The following SLC6A3 variants were observed in gnomAD, a reference collection of about 807,000 sequenced individuals.
The protein encoded by SLC6A3 is solute carrier family 6 member 3, also known as sodium-dependent dopamine transporter.
In SLC6A3, 19 loss-of-function variants were observed where a neutral mutation model predicts 70.4. The observed-to-expected ratio is 0.27, with a 90% CI of 0.19 to 0.40. The LOEUF is 0.40. SLC6A3 is among the 10% of genes least tolerant of loss of function. The pLI, the probability that SLC6A3 is intolerant of heterozygous loss-of-function variation, is 1.00. For synonymous variants in SLC6A3, 368 were observed against 356.6 expected, an observed-to-expected ratio of 1.03 and a Z score of -0.36; for missense variants, 613 against 838.5, an observed-to-expected ratio of 0.73 and a Z score of 3.32.
At position 1,443,189 on chromosome 5, in the gene SLC6A3, C is replaced by G. The variant is rs151324570; in HGVS notation, c.9G>C (p.Lys3Asn). Reference protein sequence around the residue: MSKSKCSVGLMSS... With the variant: MSNSKCSVGLMSS... ...ACATGAGTCCCACGGAGCATTTGCT[C>G]TTACTCATGGGCACACTGGGAGTTG... is the stretch of plus-strand genomic sequence containing the variant. Residue 3 changes from lysine to asparagine, a missense_variant, in exon 2 of 15, where the codon AAG becomes AAC. Physicochemically the swap from Lys to Asn is moderately conservative, Grantham distance 94 (BLOSUM62 0). Around this residue, in one of 4 missense-constraint regions of SLC6A3, gnomAD observed 111 missense variants for 91.6 expected, o/e 1.21. Transcript: ENST00000270349. The G allele has an allele frequency of 7.4e-6, 12 of 1,614,128 alleles. No individual in the cohort carries two copies. Among genetic ancestry groups the G allele is most frequent in the Admixed American group, 5.0e-5 (3 of 60,014 alleles).
chr5:1,412,234 A>C (rs1262751941), intron 8 of SLC6A3, among the ~76,000 whole-genome samples: 2 of 152,226 alleles, frequency 1.3e-5, no homozygotes, highest in Non-Finnish European at 2.9e-5. Context: ...CTGCGAGTGA[A>C]GCTTGGTAGA....
rs543749259 is a variant in SLC6A3 at position 1,426,026 on chromosome 5, G to C, written c.654-4012C>G. ...AACAAACAAGCAGAAAGTAAGTGTT[G>C]TCAAGGATGTGGGGAAATCAGAACC... On this transcript the variant is annotated intron_variant, in intron 4 of 14. Coordinates refer to ENST00000270349, the MANE Select transcript of SLC6A3 (RefSeq NM_001044.5). 2.6e-5 allele frequency among the ~76,000 whole-genome samples: 4 copies of C among 152,270 alleles called. No individual in the cohort carries two copies. In the South Asian group the frequency reaches 8.3e-4, roughly 32 times the overall value.
rs1755611114 is a variant in SLC6A3 at position 1,392,985 on chromosome 5, C to T, written c.*1750G>A. 1 of 151,900 alleles carries T rather than the reference C, an allele frequency of 6.6e-6. No homozygotes were observed. The highest frequency in any genetic ancestry group is 6.6e-5 in the Admixed American group (1 of 15,264). The allele number at this position is 151,900 out of a possible 1,614,324, so 9.4% of individuals were successfully genotyped here. On this transcript the variant is annotated 3_prime_UTR_variant, in exon 15 of 15. Transcript: ENST00000270349. The stretch of plus-strand genomic sequence containing the variant: ...GGAAGCTGTCCTCTGTGTCCCTCCC[C>T]AGAAGGCAATGGGGAAGCCGCTCTC...
Position 1,408,387 on chromosome 5 carries a change from TG to T in SLC6A3, c.1498+638del, listed in dbSNP as rs959282416. Among the ~76,000 whole-genome samples the T allele has an allele frequency of 6.6e-6, 1 of 151,568 alleles. No individual in the cohort carries two copies. Among genetic ancestry groups the T allele is most frequent in the Non-Finnish European group, 1.5e-5 (1 of 67,866 alleles). On this transcript the variant is annotated intron_variant, in intron 11 of 14. Coordinates refer to ENST00000270349, the MANE Select transcript of SLC6A3 (RefSeq NM_001044.5). This position sits in a 1 kb window ranked among gnomAD's most constrained non-coding sequence, Gnocchi z 6.4. ...CCCTGGCTCGGCCTCGCCACTTCCCTGGAAGTGAGCTGGCCAGGTAAGCGGA... is the reference window on the plus strand; with the variant it reads ...CCCTGGCTCGGCCTCGCCACTTCCCTGAAGTGAGCTGGCCAGGTAAGCGGA...
intron 3 of SLC6A3, among the ~76,000 whole-genome samples, chr5:1,434,273 G>T (rs1270229066): frequency 6.6e-6 from 1 of 152,202 alleles, no homozygotes; most frequent in Non-Finnish European, 1.5e-5. Context: ...CCAGAGCCTT[G>T]CATGACTATG....
rs564219448 is a variant in SLC6A3, at chr5:1,442,778, C to A, written c.286+134G>T. ...ATCCTCTGGGAGGATCTGCACCGGCCGTGAGCTCTCACAGGGAGCTCCGTC... is the reference window on the plus strand; with the variant it reads ...ATCCTCTGGGAGGATCTGCACCGGCAGTGAGCTCTCACAGGGAGCTCCGTC... On this transcript the variant is annotated intron_variant, in intron 2 of 14. Transcript: ENST00000270349. This position sits in a 1 kb window ranked among gnomAD's most constrained non-coding sequence, Gnocchi z 5.0. 4 of 888,946 alleles carry A rather than the reference C, an allele frequency of 4.5e-6. No individual in the cohort carries two copies. The highest frequency in any genetic ancestry group is 1.4e-5 in the South Asian group (1 of 72,852). The allele number at this position is 888,946 out of a possible 1,614,324, so 55.1% of individuals were successfully genotyped here.
chr5:1,432,310 G>A (rs1455779950), intron 4 of SLC6A3, among the ~76,000 whole-genome samples, 154 bp downstream of exon 4: 1 of 152,182 alleles, frequency 6.6e-6, no homozygotes, highest in Non-Finnish European at 1.5e-5. Flanking sequence ...TCAGAAATGT[G>A]CCCCTCCAGA....
chr5:1,437,170 G>A lies in SLC6A3; in HGVS notation c.418+4189C>T, dbSNP rs1200641799. On this transcript the variant is annotated intron_variant, in intron 3 of 14. Coordinates refer to ENST00000270349, the MANE Select transcript of SLC6A3 (RefSeq NM_001044.5). This position sits in a 1 kb window ranked among gnomAD's most constrained non-coding sequence, Gnocchi z 4.8. ...GGAGGCTGGGGCAGGAGAATCGCTT[G>A]AACCCGGGACGCGCAGGTGACAGTG... 6.6e-6 allele frequency among the ~76,000 whole-genome samples: 1 copy of A among 151,680 alleles called. No homozygotes were observed. Among genetic ancestry groups the A allele is most frequent in the Non-Finnish European group, 1.5e-5 (1 of 67,952 alleles).
At chr5:1,416,819 G>A (rs1437144010) in intron 6 of SLC6A3, among the ~76,000 whole-genome samples, 3 of 146,844 alleles carry the variant, frequency 2.0e-5, no homozygotes, top group Middle Eastern at 7.6e-3. Context: ...TGACCGCAGC[G>A]TCCTAATAGC....
At chr5:1,439,410 T>C (rs1756920380) in intron 3 of SLC6A3, among the ~76,000 whole-genome samples, 3 of 152,096 alleles carry the variant, frequency 2.0e-5, no homozygotes, top group Admixed American at 1.3e-4. Flanking sequence ...CAGGAAGAAA[T>C]TACTGAAGTC....
At chr5:1,424,676 G>A (rs1489095476) in intron 4 of SLC6A3, among the ~76,000 whole-genome samples, 2 of 152,354 alleles carry the variant, frequency 1.3e-5, no homozygotes, top group African/African-American at 2.4e-5. Context: ...GGGAAAGTGC[G>A]CTGCCCCACT....
rs1756108996 is a variant in SLC6A3 at position 1,411,033 on chromosome 5, G to A, written c.1269+210C>T. Reference sequence around the variant, plus strand: ...GCACACAGGTACCCCAGAGTAGGGGGATAAAGGGAAAGGTAAACTCCAGTC... The same window carrying A: ...GCACACAGGTACCCCAGAGTAGGGGAATAAAGGGAAAGGTAAACTCCAGTC... On this transcript the variant is annotated intron_variant, in intron 9 of 14. Transcript: ENST00000270349. This position sits in a 1 kb window ranked among gnomAD's most constrained non-coding sequence, Gnocchi z 6.5. 6.6e-6 allele frequency among the ~76,000 whole-genome samples: 1 copy of A among 152,144 alleles called. No homozygotes were observed. Among genetic ancestry groups the A allele is most frequent in the Non-Finnish European group, 1.5e-5 (1 of 68,008 alleles).
In SLC6A3 at chr5:1,400,883, C is replaced by T. The variant is rs199812890; in HGVS notation, c.1839+32G>A. The T allele has an allele frequency of 9.9e-6, 15 of 1,518,216 alleles. 1 individual carries two copies. Among genetic ancestry groups the T allele is most frequent in the East Asian group, 9.6e-5 (4 of 41,488 alleles). 94.0% of individuals were successfully genotyped at this position (1,518,216 alleles called of 1,614,324 possible). A position where few individuals can be genotyped will look rare whatever the true frequency, so the allele number is the denominator to read the frequency against. On this transcript the variant is annotated intron_variant, in intron 14 of 14. Transcript: ENST00000270349. ...AGCTTGGGATCATTCTGAATTCCCCCGAGAGAGGCCCAGCAGGGACCTCGA... is the reference window on the plus strand; with the variant it reads ...AGCTTGGGATCATTCTGAATTCCCCTGAGAGAGGCCCAGCAGGGACCTCGA...
intron 4 of SLC6A3, among the ~76,000 whole-genome samples, chr5:1,430,441 T>A (rs2126389565): frequency 6.6e-6 from 1 of 152,278 alleles, no homozygotes; most frequent in South Asian, 2.1e-4. Context: ...CGAGGAGGAA[T>A]TCTAGAACCA....
intron 9 of SLC6A3, 126 bp from the exon 10 acceptor site, chr5:1,409,975 C>T (rs1027663560): frequency 2.0e-5 from 25 of 1,219,584 alleles, no homozygotes; most frequent in Admixed American, 3.5e-5. Context: ...GCCACATGGC[C>T]GTCCAGGGTG....
Position 1,402,433 on chromosome 5 carries a change from C to T in SLC6A3, c.1767+489G>A, listed in dbSNP as rs28363137. Among the ~76,000 whole-genome samples the T allele has an allele frequency of 4.8e-3, 727 of 152,122 alleles. 9 individuals carry two copies. Among genetic ancestry groups the T allele is most frequent in the Middle Eastern group, 0.017 (5 of 294 alleles). ...GCCCCTGTTCAGCCAAAGTTGGGCT[C>T]GGCCCTGGGGGGACCTAGATCACCC... is the stretch of plus-strand genomic sequence containing the variant. On this transcript the variant is annotated intron_variant, in intron 13 of 14. Transcript: ENST00000270349. The surrounding 1 kb of genome is among the most constrained non-coding windows in gnomAD (Gnocchi z 8.5).
At chr5:1,407,820 T>A (rs760639951) in intron 11 of SLC6A3, among the ~76,000 whole-genome samples, 1 of 152,216 alleles carries the variant, frequency 6.6e-6, no homozygotes, top group Non-Finnish European at 1.5e-5. Context: ...CTGAAAACAA[T>A]GTTCTCAGAA....
intron 1 of SLC6A3, among the ~76,000 whole-genome samples, chr5:1,444,143 C>A (rs947825707): frequency 5.9e-5 from 9 of 152,158 alleles, no homozygotes; most frequent in African/African-American, 2.2e-4. Context: ...GTGGCACCAC[C>A]CCGCGTGAGA....
At chr5:1,409,977 T>C in intron 9 of SLC6A3, 128 bp from the exon 10 acceptor site, 4 of 1,210,290 alleles carry the variant, frequency 3.3e-6, no homozygotes, top group Non-Finnish European at 4.8e-6. Flanking sequence ...CACATGGCCG[T>C]CCAGGGTGCA....
Sources: gnomAD v4.1 joint callset for allele counts (sites outside exome capture counted in the v4.1 genomes callset) on GRCh38, gnomAD v4.1.1 for gene constraint, gnomAD v4.1.1 regional missense constraint, Gnocchi (gnomAD v3.1) non-coding constraint, MANE v1.5 for transcripts, NCBI Gene and HGNC (gene_info 2026-07-23, HGNC 2026-07-21) for gene names.